The following IGFBP5 variants were observed in gnomAD, a reference collection of about 807,000 sequenced individuals.
IGFBP5 encodes the protein insulin like growth factor binding protein 5.
In IGFBP5, 12 loss-of-function variants were observed where a neutral mutation model predicts 28.0. The observed-to-expected ratio is 0.43, with a 90% CI of 0.27 to 0.69. IGFBP5 has a LOEUF of 0.69. Ranked by LOEUF, IGFBP5 falls within the 30% of genes least tolerant of loss-of-function variation. The pLI, the probability that IGFBP5 is intolerant of heterozygous loss-of-function variation, is 0.20. For missense variants in IGFBP5, 344 were observed against 381.6 expected (o/e 0.90, Z 0.82); for synonymous variants, 152 against 150.2 (o/e 1.01, Z -0.09).
chr2:216,678,216 G>A lies in IGFBP5; in HGVS notation c.583C>T (p.His195Tyr). Residue 195 changes from histidine (H) to tyrosine (Y), a missense_variant, in exon 3 of 4, where the codon CAC (histidine) becomes TAC (tyrosine). His to Tyr is a moderately conservative substitution (Grantham distance 83, BLOSUM62 2). Around this residue, in one of 3 missense-constraint regions of IGFBP5, gnomAD observed 304 missense variants for 329.2 expected, o/e 0.92. Coordinates refer to ENST00000233813, the MANE Select transcript of IGFBP5 (RefSeq NM_000599.4). ...QESEQGPCRRHMEASLQELKA... is the reference protein window; with the variant it reads ...QESEQGPCRRYMEASLQELKA... Reference sequence around the variant, plus strand: ...AGCTCCTGCAGGGAAGCCTCCATGTGTCTGCGGCAGGGGCCCTGTGTGGAC... The same window carrying A: ...AGCTCCTGCAGGGAAGCCTCCATGTATCTGCGGCAGGGGCCCTGTGTGGAC... The A allele has an allele frequency of 6.3e-7, 1 of 1,582,940 alleles. No homozygotes were observed. Among genetic ancestry groups the A allele is most frequent in the Non-Finnish European group, 8.6e-7 (1 of 1,162,018 alleles).
In IGFBP5 at chr2:216,676,681, G is replaced by A. The variant is rs2106216539; in HGVS notation, c.*70C>T. 1 of 997,264 alleles carries A rather than the reference G, an allele frequency of 1.0e-6. No homozygotes were observed. The highest frequency in any genetic ancestry group is 2.6e-5 in the East Asian group (1 of 38,700). 61.8% of individuals were successfully genotyped at this position (997,264 alleles called of 1,614,324 possible). ...GATGAAATGAGTGGCGTCCTGGGGT[G>A]GAGGGAGGCGCTGGCTGGAGTCGGG... is the stretch of plus-strand genomic sequence containing the variant. On this transcript the variant is annotated 3_prime_UTR_variant, in exon 4 of 4. Transcript: ENST00000233813.
chr2:216,676,923 C>G, intron 3 of IGFBP5, 41 bp from the exon 4 acceptor site: 1 of 1,606,382 alleles, frequency 6.2e-7, no homozygotes, highest in Non-Finnish European at 8.5e-7. Flanking sequence ...ACGGCCGCAC[C>G]CCAGGGCTCT....
chr2:216,695,094 A>G lies in IGFBP5; in HGVS notation c.-319T>C. On this transcript the variant is annotated 5_prime_UTR_variant, in exon 1 of 4. Coordinates refer to ENST00000233813, the MANE Select transcript of IGFBP5 (RefSeq NM_000599.4). ...TGAGCGGGTCAGAATTATAGGGGAA[A>G]AAAAGCCACAAAATTGTTCACCCCC... The G allele has an allele frequency of 4.1e-6, 1 of 246,302 alleles. No homozygotes were observed. Among genetic ancestry groups the G allele is most frequent in the Admixed American group, 5.6e-5 (1 of 17,960 alleles). The allele number at this position is 246,302 out of a possible 1,614,324, so 15.3% of individuals were successfully genotyped here.
intron 1 of IGFBP5, among the ~76,000 whole-genome samples, chr2:216,687,171 G>A (rs956044789): frequency 3.3e-5 from 5 of 152,118 alleles, no homozygotes; most frequent in Non-Finnish European, 7.4e-5. Context: ...GTGTTGGCTC[G>A]ACCTTTGTCT....
intron 3 of IGFBP5, among the ~76,000 whole-genome samples, chr2:216,677,218 C>T (rs1325081605): frequency 1.3e-5 from 2 of 151,936 alleles, no homozygotes; most frequent in African/African-American, 2.4e-5. Context: ...GGATTACAGG[C>T]GTGAGCCACT....
In IGFBP5 at chr2:216,694,757, C is replaced by A; in HGVS notation, c.19G>T (p.Val7Phe). Reference protein sequence around the residue: MVLLTAVLLLLAAYAGP... With the variant: MVLLTAFLLLLAAYAGP... ...GCATAGGCGGCCAGCAGCAGGAGGACCGCGGTGAGCAACACCATCTTCTCT... is the reference window on the plus strand; with the variant it reads ...GCATAGGCGGCCAGCAGCAGGAGGAACGCGGTGAGCAACACCATCTTCTCT... Residue 7 changes from valine to phenylalanine, a missense_variant, in exon 1 of 4, where the codon GTC (valine) becomes TTC (phenylalanine). Around this residue, in one of 3 missense-constraint regions of IGFBP5, gnomAD observed 304 missense variants for 329.2 expected, o/e 0.92. Transcript: ENST00000233813. This position sits in a 1 kb window ranked among gnomAD's most constrained non-coding sequence, Gnocchi z 5.2. 1 of 1,427,666 alleles carries A rather than the reference C, an allele frequency of 7.0e-7. No individual in the cohort carries two copies. The highest frequency in any genetic ancestry group is 9.1e-7 in the Non-Finnish European group (1 of 1,094,762). 88.4% of individuals were successfully genotyped at this position (1,427,666 alleles called of 1,614,324 possible). A position where few individuals can be genotyped will look rare whatever the true frequency, so the allele number is the denominator to read the frequency against.
At chr2:216,682,163 C>T (rs1688984223) in intron 1 of IGFBP5, among the ~76,000 whole-genome samples, 2 of 152,206 alleles carry the variant, frequency 1.3e-5, no homozygotes, top group Admixed American at 6.5e-5. Context: ...GCAGGCTTAA[C>T]ATTTTGATGT....
rs573806215 is a variant in IGFBP5, at chr2:216,675,899, C to T, written c.*852G>A. The T allele has an allele frequency of 1.3e-5, 2 of 152,270 alleles. No individual in the cohort carries two copies. Among genetic ancestry groups the T allele is most frequent in the South Asian group, 4.2e-4 (2 of 4,806 alleles). The allele number at this position is 152,270 out of a possible 1,614,324, so 9.4% of individuals were successfully genotyped here. A position where few individuals can be genotyped will look rare whatever the true frequency, so the allele number is the denominator to read the frequency against. ...AAATGAGGGCTGAAACGGCACGCTT[C>T]AGCATGTACTGTAGTCACCGTGGAA... On this transcript the variant is annotated 3_prime_UTR_variant, in exon 4 of 4. Coordinates refer to ENST00000233813, the MANE Select transcript of IGFBP5 (RefSeq NM_000599.4).
Position 216,672,534 on chromosome 2 carries a change from AG to A in IGFBP5, c.*4216del. The A allele has an allele frequency of 6.6e-6, 1 of 152,122 alleles. No homozygotes were observed. The highest frequency in any genetic ancestry group is 1.5e-5 in the Non-Finnish European group (1 of 67,912). The allele number at this position is 152,122 out of a possible 1,614,324, so 9.4% of individuals were successfully genotyped here. A position where few individuals can be genotyped will look rare whatever the true frequency, so the allele number is the denominator to read the frequency against. The stretch of plus-strand genomic sequence containing the variant: ...GCTGTCTTCAAAAAAAAAAAGAAAA[AG>A]AAAAACAACAACAACAACAACGAAA... On this transcript the variant is annotated 3_prime_UTR_variant, in exon 4 of 4. Transcript: ENST00000233813.
At position 216,694,455 on chromosome 2, in the gene IGFBP5, G is replaced by A. The variant is rs779193780; in HGVS notation, c.321C>T (p.Arg107=). The A allele has an allele frequency of 9.6e-6, 15 of 1,568,158 alleles. No homozygotes were observed. In the South Asian group the frequency reaches 1.4e-4, roughly 15 times the overall value. ...CGCGCTCACCGATCTTGACTTGCTC[G>A]CGGTAGCTCTTTTCGTTGAGGCAAA... The part of the protein sequence containing the change: ...RGVCLNEKSY[R]EQVKIERDSR... Residue 107 remains arginine (R), a synonymous_variant, in exon 1 of 4, where the codon CGC becomes CGT. Coordinates refer to ENST00000233813, the MANE Select transcript of IGFBP5 (RefSeq NM_000599.4). The surrounding 1 kb of genome is among the most constrained non-coding windows in gnomAD (Gnocchi z 5.2).
At position 216,680,673 on chromosome 2, in the gene IGFBP5, C is replaced by T. The variant is rs540258682; in HGVS notation, c.338-1594G>A. Among the ~76,000 whole-genome samples the T allele has an allele frequency of 3.3e-5, 5 of 152,260 alleles. No homozygotes were observed. In the South Asian group the frequency reaches 1.0e-3, roughly 32 times the overall value. On this transcript the variant is annotated intron_variant, in intron 1 of 3. Coordinates refer to ENST00000233813, the MANE Select transcript of IGFBP5 (RefSeq NM_000599.4). ...AGAGAAGGTCCCTGCCCTAAAGAAG[C>T]CTCCAAAGGTTCGCAGCGTTCCTGG...
rs113020203 is a variant in IGFBP5, at chr2:216,673,396, A to C, written c.*3355T>G. The C allele has an allele frequency of 6.6e-6, 1 of 152,370 alleles. No homozygotes were observed. The highest frequency in any genetic ancestry group is 1.5e-5 in the Non-Finnish European group (1 of 68,148). The allele number at this position is 152,370 out of a possible 1,614,324, so 9.4% of individuals were successfully genotyped here. ...CTGTCTAGGCCTGGCTGTCAAAGAA[A>C]GGTTCCAGTCTCTTCCTCCCCATGT... On this transcript the variant is annotated 3_prime_UTR_variant, in exon 4 of 4. Coordinates refer to ENST00000233813, the MANE Select transcript of IGFBP5 (RefSeq NM_000599.4). The surrounding 1 kb of genome is among the most constrained non-coding windows in gnomAD (Gnocchi z 4.3).
chr2:216,694,486 C>T lies in IGFBP5; in HGVS notation c.290G>A (p.Arg97His). Reference protein sequence around the residue: ...EKPLHALLHGRGVCLNEKSYR... With the variant: ...EKPLHALLHGHGVCLNEKSYR... ...GCTCTTTTCGTTGAGGCAAACCCCG[C>T]GGCCGTGCAGCAGGGCGTGCAGCGG... Residue 97 changes from arginine to histidine, a missense_variant, in exon 1 of 4, where the codon CGC becomes CAC. Transcript: ENST00000233813. This position sits in a 1 kb window ranked among gnomAD's most constrained non-coding sequence, Gnocchi z 5.2. 2 of 1,589,086 alleles carry T rather than the reference C, an allele frequency of 1.3e-6. No individual in the cohort carries two copies.
rs1574574861 is a variant in IGFBP5, at chr2:216,672,766, C to G, written c.*3985G>C. On this transcript the variant is annotated 3_prime_UTR_variant, in exon 4 of 4. Coordinates refer to ENST00000233813, the MANE Select transcript of IGFBP5 (RefSeq NM_000599.4). ...TCCCTTTCCCCATCCAAAAGGATTT[C>G]AGGAGAGGAGGCCAGAGTCTGTGAA... The G allele has an allele frequency of 6.5e-6, 1 of 152,680 alleles. No homozygotes were observed. The highest frequency in any genetic ancestry group is 2.1e-4 in the South Asian group (1 of 4,820). The allele number at this position is 152,680 out of a possible 1,614,324, so 9.5% of individuals were successfully genotyped here.
intron 1 of IGFBP5, among the ~76,000 whole-genome samples, chr2:216,687,601 G>T (rs570784723): frequency 6.6e-6 from 1 of 152,324 alleles, no homozygotes; most frequent in Admixed American, 6.5e-5. Flanking sequence ...CCCTGGCTGA[G>T]AATCTCCAGC....
intron 2 of IGFBP5, 78 bp from the exon 3 acceptor site, chr2:216,678,309 G>A (rs1688929224): frequency 4.3e-6 from 6 of 1,402,702 alleles, no homozygotes; most frequent in African/African-American, 1.5e-5. Flanking sequence ...GGCCCAGGGG[G>A]TGGGGGCTGA....
chr2:216,680,478 A>T (rs1019774146), intron 1 of IGFBP5, among the ~76,000 whole-genome samples: 6 of 152,154 alleles, frequency 3.9e-5, no homozygotes, highest in African/African-American at 9.7e-5. Context: ...CTGACTTCTG[A>T]GCTTGCAGCC....
At chr2:216,678,327 C>T in intron 2 of IGFBP5, 96 bp from the exon 3 acceptor site, 2 of 1,317,548 alleles carry the variant, frequency 1.5e-6, no homozygotes, top group Non-Finnish European at 1.0e-6. Flanking sequence ...TGAAGGGTCT[C>T]TGGAGGAAAG....
intron 1 of IGFBP5, among the ~76,000 whole-genome samples, chr2:216,690,100 GTTTAT>G (rs1426381461): frequency 6.6e-6 from 1 of 152,148 alleles, no homozygotes; most frequent in South Asian, 2.1e-4. Flanking sequence ...TGCCATCCTT[GTTTAT>G]TTTATTATTT....
Sources: allele counts gnomAD v4.1 joint callset (sites outside exome capture counted in the v4.1 genomes callset), GRCh38; gene constraint gnomAD v4.1.1; regional missense constraint gnomAD v4.1.1; non-coding constraint Gnocchi (gnomAD v3.1); transcripts MANE v1.5; gene names NCBI Gene and HGNC (gene_info 2026-07-23, HGNC 2026-07-21).